SPACA6: variants seen among roughly 807,000 people sequenced by gnomAD.
SPACA6 encodes sperm acrosome associated 6.
For synonymous variants in SPACA6, 6 were observed against 1.5 expected, an observed-to-expected ratio of 4.05 and a Z score of -2.21; for missense variants, 8 against 2.8, an observed-to-expected ratio of 2.88 and a Z score of -1.34.
rs528104770 is a variant in SPACA6, at chr19:51,693,526, G to A, written c.-1G>A. The A allele has an allele frequency of 2.1e-5, 10 of 486,678 alleles. No homozygotes were observed. The highest frequency in any genetic ancestry group is 3.8e-5 in the African/African-American group (2 of 52,478). The allele number at this position is 486,678 out of a possible 1,614,324, so 30.1% of individuals were successfully genotyped here. Reference sequence around the variant, plus strand: ...TCTCCCCTGGCCTTGAGACCCACACGATGGCCCTGCTGGCTCTGGCCAGTG... The same window carrying A: ...TCTCCCCTGGCCTTGAGACCCACACAATGGCCCTGCTGGCTCTGGCCAGTG... On this transcript the variant is annotated 5_prime_UTR_variant, in exon 1 of 9. Coordinates refer to ENST00000637797, the MANE Select transcript of SPACA6 (RefSeq NM_001316972.2).
rs2083396587 is a variant in SPACA6 at position 51,693,618 on chromosome 19, TCAC to T, written c.93_95del (p.Phe31_Thr32delinsLeu). ...CCCGCCTGGGCCTGTCTCCTCTGCT[TCAC>T]AACCTACTCTGAGCGCCTCCGCATC... is the stretch of plus-strand genomic sequence containing the variant. On this transcript the variant is annotated inframe_deletion, in exon 1 of 9. Coordinates refer to ENST00000637797, the MANE Select transcript of SPACA6 (RefSeq NM_001316972.2). The T allele has an allele frequency of 2.3e-6, 1 of 429,318 alleles. No individual in the cohort carries two copies. Among genetic ancestry groups the T allele is most frequent in the Non-Finnish European group, 4.2e-6 (1 of 239,692 alleles). The allele number at this position is 429,318 out of a possible 1,614,324, so 26.6% of individuals were successfully genotyped here. A position where few individuals can be genotyped will look rare whatever the true frequency, so the allele number is the denominator to read the frequency against.
intron 2 of SPACA6, among the ~76,000 whole-genome samples, chr19:51,697,719 G>A (rs746307845): frequency 2.0e-5 from 3 of 152,146 alleles, no homozygotes; most frequent in African/African-American, 7.2e-5. Flanking sequence ...GTGATCCCAG[G>A]TGATCTTATT....
chr19:51,710,845 C>T (rs566211644), intron 2 of SPACA6, among the ~76,000 whole-genome samples: 3 of 152,240 alleles, frequency 2.0e-5, no homozygotes, highest in South Asian at 2.1e-4. Context: ...TTTGGGAAGC[C>T]GAGGCTGGTG....
At chr19:51,707,299 C>T (rs973452901), downstream of SPACA6, among the ~76,000 whole-genome samples, 2 of 150,808 alleles carry the variant, frequency 1.3e-5, no homozygotes, top group Non-Finnish European at 2.9e-5. Context: ...TGGCTCACTG[C>T]AGCCTTTGCC....
intron 2 of SPACA6, among the ~76,000 whole-genome samples, chr19:51,697,857 G>A (rs1231639283): frequency 6.6e-6 from 1 of 152,208 alleles, no homozygotes; most frequent in African/African-American, 2.4e-5. Context: ...AGGGTCAAAT[G>A]TAGCCATGTG....
downstream of SPACA6, chr19:51,705,320 G>A (rs2083510330): frequency 2.6e-6 from 1 of 384,312 alleles, no homozygotes; most frequent in African/African-American, 2.1e-5. Context: ...TGCAAGTTAG[G>A]TGGGAACCCA....
chr19:51,706,037 C>T (rs1973321984), downstream of SPACA6, among the ~76,000 whole-genome samples: 1 of 152,084 alleles, frequency 6.6e-6, no homozygotes, highest in Non-Finnish European at 1.5e-5. Context: ...GGTTACTCCT[C>T]TACCCAGAAT....
Position 51,703,599 on chromosome 19 carries a change from C to T in SPACA6, c.573+262C>T, listed in dbSNP as rs1320125915. Among the ~76,000 whole-genome samples the T allele has an allele frequency of 6.6e-6, 1 of 152,256 alleles. No individual in the cohort carries two copies. Among genetic ancestry groups the T allele is most frequent in the South Asian group, 2.1e-4 (1 of 4,826 alleles). ...ATGGCTTGAGCCCAGGAGTTTGAGA[C>T]CGGCCTCGGCAACAAATTAAGACCC... On this transcript the variant is annotated intron_variant, in intron 6 of 8. Transcript: ENST00000637797. The surrounding 1 kb of genome is among the most constrained non-coding windows in gnomAD (Gnocchi z 4.2).
chr19:51,695,330 T>C (rs2083421423), intron 2 of SPACA6, among the ~76,000 whole-genome samples: 2 of 152,190 alleles, frequency 1.3e-5, no homozygotes, highest in African/African-American at 4.8e-5. Context: ...ACCATGGCCA[T>C]GATCCCCACG....
At chr19:51,684,145 G>A (rs1454656095), upstream of SPACA6, among the ~76,000 whole-genome samples, 2 of 152,148 alleles carry the variant, frequency 1.3e-5, no homozygotes, top group Non-Finnish European at 2.9e-5. Flanking sequence ...GGGGGAGAAG[G>A]AGGGGCATCA....
chr19:51,691,652 AAG>A (rs2083373883), upstream of SPACA6, among the ~76,000 whole-genome samples: 1 of 151,794 alleles, frequency 6.6e-6, no homozygotes, highest in Non-Finnish European at 1.5e-5. Flanking sequence ...GGTGGAAAGA[AAG>A]AGGGAGAGAG....
chr19:51,687,272 T>G (rs908246708), upstream of SPACA6: 2 of 142,372 alleles, frequency 1.4e-5, no homozygotes, highest in African/African-American at 5.0e-5. Flanking sequence ...CATACATACA[T>G]ACATACATAC....
rs2122224698 is a variant in SPACA6 at position 51,703,805 on chromosome 19, A to G, written c.574-225A>G. 6.6e-6 allele frequency among the ~76,000 whole-genome samples: 1 copy of G among 152,140 alleles called. No individual in the cohort carries two copies. The highest frequency in any genetic ancestry group is 1.9e-4 in the East Asian group (1 of 5,168). The stretch of plus-strand genomic sequence containing the variant: ...AGAACGAGACCCTGTCTGGAAGAAA[A>G]AAAAAATACATAAATAAAAGCAGTT... On this transcript the variant is annotated intron_variant, in intron 6 of 8. Coordinates refer to ENST00000637797, the MANE Select transcript of SPACA6 (RefSeq NM_001316972.2). This position sits in a 1 kb window ranked among gnomAD's most constrained non-coding sequence, Gnocchi z 4.2.
intron 8 of SPACA6, 195 bp downstream of exon 8, chr19:51,704,675 A>T (rs1216702632): frequency 7.6e-6 from 3 of 395,606 alleles, no homozygotes; most frequent in African/African-American, 2.1e-5. Flanking sequence ...CTCCTCCCTT[A>T]GATCTAAGAG....
chr19:51,688,845 CAGAG>C (rs953585995), upstream of SPACA6, among the ~76,000 whole-genome samples: 12 of 150,456 alleles, frequency 8.0e-5, no homozygotes, highest in African/African-American at 2.9e-4. Context: ...GAAAGAGACA[CAGAG>C]AGGCAGCAAA....
At chr19:51,708,428 G>A (rs1215582670), downstream of SPACA6, among the ~76,000 whole-genome samples, 2 of 152,212 alleles carry the variant, frequency 1.3e-5, 1 homozygote, top group Non-Finnish European at 2.9e-5. Flanking sequence ...GGGGCCGAGG[G>A]AAGTAGCAGT....
intron 2 of SPACA6, among the ~76,000 whole-genome samples, chr19:51,695,567 G>A (rs1457557323): frequency 1.3e-5 from 2 of 152,154 alleles, no homozygotes; most frequent in Non-Finnish European, 2.9e-5. Context: ...CCTGGAGAAG[G>A]CCTCAGCTGT....
chr19:51,685,177 T>C (rs2083323061), upstream of SPACA6, among the ~76,000 whole-genome samples: 1 of 152,220 alleles, frequency 6.6e-6, no homozygotes, highest in Non-Finnish European at 1.5e-5. Flanking sequence ...AGGAAGTTTC[T>C]ATTTTCCTTT....
upstream of SPACA6, chr19:51,688,648 G>A (rs909253561): frequency 2.6e-5 from 4 of 152,798 alleles, no homozygotes; most frequent in African/African-American, 2.4e-5. Context: ...TTCGGGGAGA[G>A]AGGGGAGGAG....
Sources: allele counts gnomAD v4.1 joint callset (sites outside exome capture counted in the v4.1 genomes callset), GRCh38; gene constraint gnomAD v4.1.1; non-coding constraint Gnocchi (gnomAD v3.1); transcripts MANE v1.5; gene names NCBI Gene and HGNC (gene_info 2026-07-23, HGNC 2026-07-21).